The following DISC1 variants were observed in gnomAD, a reference collection of about 807,000 sequenced individuals.
DISC1 encodes the protein DISC1 scaffold protein.
DISC1 carries 57 observed loss-of-function variants against 84.5 expected under a neutral mutation model. The observed-to-expected ratio is 0.67, with a 90% confidence interval of 0.55 to 0.84. The LOEUF is 0.84. Ranked by LOEUF, DISC1 falls within the 40% of genes least tolerant of loss-of-function variation. The pLI, the probability that DISC1 is intolerant of heterozygous loss-of-function variation, is 0.00. For missense variants in DISC1, 1,000 were observed against 1,057.8 expected (o/e 0.95, Z 0.76); for synonymous variants, 411 against 415.2 (o/e 0.99, Z 0.12).
At chr1:231,885,802 C>T (rs1256807599) in intron 9 of DISC1, among the ~76,000 whole-genome samples, 1 of 152,168 alleles carries the variant, frequency 6.6e-6, no homozygotes, top group Non-Finnish European at 1.5e-5. Flanking sequence ...AGAGAAAGAA[C>T]TGTGTGGAGC....
intron 3 of DISC1, chr1:231,721,056 C>A (rs2069609790): frequency 4.6e-6 from 6 of 1,290,810 alleles, no homozygotes; most frequent in Admixed American, 2.3e-5. Context: ...CTTTTCCCAG[C>A]TTTTTTCCAG....
chr1:231,689,244 C>T (rs938174421), intron 1 of DISC1, among the ~76,000 whole-genome samples: 10 of 152,136 alleles, frequency 6.6e-5, no homozygotes, highest in Non-Finnish European at 1.0e-4. Context: ...GCAGCATTCT[C>T]GAGGTCCCAG....
rs1289584692 is a variant in DISC1, at chr1:231,698,093, A to T, written c.1047+3288A>T. On this transcript the variant is annotated intron_variant, in intron 2 of 12. Transcript: ENST00000439617. The surrounding 1 kb of genome is among the most constrained non-coding windows in gnomAD (Gnocchi z 4.9). ...GTTGGCCAGAGTACAATGCTTATGG[A>T]TCAATAATACATATTAAATAAGATG... Among the ~76,000 whole-genome samples the T allele has an allele frequency of 6.6e-6, 1 of 152,184 alleles. No individual in the cohort carries two copies. Among genetic ancestry groups the T allele is most frequent in the Non-Finnish European group, 1.5e-5 (1 of 68,032 alleles).
chr1:231,702,152 G>A, intron 3 of DISC1, 128 bp downstream of exon 3: 1 of 1,446,292 alleles, frequency 6.9e-7, no homozygotes, highest in South Asian at 1.4e-5. Flanking sequence ...CTCTACCAGG[G>A]AATAGTTGAC....
At position 231,675,767 on chromosome 1, in the gene DISC1, C is replaced by T. The variant is rs1352064625; in HGVS notation, c.68-18059C>T. Among the ~76,000 whole-genome samples, 3 of 152,038 alleles carry T rather than the reference C, an allele frequency of 2.0e-5. No homozygotes were observed. The highest frequency in any genetic ancestry group is 4.4e-5 in the Non-Finnish European group (3 of 68,000). ...TCTTACTCCCTTGTCCAATGTGTGA[C>T]ATCTTATCTTTTCCTCCATGAGCTC... On this transcript the variant is annotated intron_variant, in intron 1 of 12. Coordinates refer to ENST00000439617, the MANE Select transcript of DISC1 (RefSeq NM_018662.3). This position sits in a 1 kb window ranked among gnomAD's most constrained non-coding sequence, Gnocchi z 4.1.
intron 10 of DISC1, among the ~76,000 whole-genome samples, chr1:231,985,224 G>A (rs868328657): frequency 6.6e-6 from 1 of 151,682 alleles, no homozygotes; most frequent in South Asian, 2.1e-4. Flanking sequence ...TACTTGGGAG[G>A]CTGAGGTAGG....
intron 9 of DISC1, among the ~76,000 whole-genome samples, chr1:231,840,741 T>C (rs780904842): frequency 3.9e-5 from 6 of 151,938 alleles, no homozygotes; most frequent in African/African-American, 7.3e-5. Flanking sequence ...GGAGTCTCGC[T>C]CTGTCACCCA....
rs778827055 is a variant in DISC1, at chr1:231,694,100, C to T, written c.342C>T (p.Thr114=). 1.9e-6 allele frequency: 3 copies of T among 1,614,200 alleles called. No individual in the cohort carries two copies. The Admixed American group carries it at 5.0e-5, about 27-fold the overall frequency. ...AAPTVTSVRG[T]SAHFGIQLRG... is the part of the protein sequence containing the mutation. ...CTACTGTGACCTCTGTGAGAGGAAC[C>T]TCGGCGCACTTTGGGATTCAGCTCA... The change falls in exon 2 of 13, where the codon ACC becomes ACT. Residue 114 remains threonine, a synonymous_variant. Transcript: ENST00000439617.
chr1:231,634,764 T>TGCC (rs889911209), intron 1 of DISC1, among the ~76,000 whole-genome samples: 2 of 151,978 alleles, frequency 1.3e-5, no homozygotes, highest in Non-Finnish European at 2.9e-5. Flanking sequence ...AAATGTAGAG[T>TGCC]GCCAGGCATG....
At chr1:231,958,129 A>T (rs1345361953) in intron 9 of DISC1, among the ~76,000 whole-genome samples, 1 of 152,234 alleles carries the variant, frequency 6.6e-6, no homozygotes, top group Non-Finnish European at 1.5e-5. Flanking sequence ...GTTAGTTATT[A>T]TCTTGAGAGG....
chr1:231,868,261 C>T (rs941717792), intron 9 of DISC1, among the ~76,000 whole-genome samples: 1 of 152,176 alleles, frequency 6.6e-6, no homozygotes, highest in Non-Finnish European at 1.5e-5. Flanking sequence ...CCAGTTTTCA[C>T]TCTTAGTCCG....
intron 9 of DISC1, among the ~76,000 whole-genome samples, chr1:231,886,856 CTTTTCTTTCCTTTTTTTTTTTTTG>C (rs2086807294): frequency 1.9e-5 from 1 of 53,436 alleles, no homozygotes; most frequent in Non-Finnish European, 3.2e-5. Flanking sequence ...TTCTTTCTTT[CTTTTCTTTCCTTTTTTTTTTTTTG>C]AAATGGAGTC....
chr1:231,896,269 T>C lies in DISC1; in HGVS notation c.1982-62559T>C, dbSNP rs114285634. ...AACCTGACATACCCTACATTTTCCC[T>C]GAACTTGGGGTCCGGGGCAGGCTTT... On this transcript the variant is annotated intron_variant, in intron 9 of 12. Coordinates refer to ENST00000439617, the MANE Select transcript of DISC1 (RefSeq NM_018662.3). Among the ~76,000 whole-genome samples the C allele has an allele frequency of 5.1e-3, 772 of 152,314 alleles. 11 individuals are homozygous for C. Among genetic ancestry groups the C allele is most frequent in the African/African-American group, 0.018 (733 of 41,566 alleles).
At chr1:231,952,705 ATATATATATG>A (rs1164398010) in intron 9 of DISC1, among the ~76,000 whole-genome samples, 1 of 141,460 alleles carries the variant, frequency 7.1e-6, no homozygotes, top group African/African-American at 2.8e-5. Context: ...ATATATATAT[ATATATATATG>A]TATATATATA....
chr1:231,791,781 G>A (rs1367854991), intron 6 of DISC1, among the ~76,000 whole-genome samples: 2 of 152,242 alleles, frequency 1.3e-5, no homozygotes, highest in Non-Finnish European at 2.9e-5. Context: ...ACTCCTGCTT[G>A]TCAGCATTGA....
intron 9 of DISC1, among the ~76,000 whole-genome samples, chr1:231,909,113 T>C (rs2088959738): frequency 6.6e-6 from 1 of 152,116 alleles, no homozygotes; most frequent in Non-Finnish European, 1.5e-5. Flanking sequence ...ATGTGATCTG[T>C]AAAAAGGGAC....
chr1:231,866,050 G>A lies in DISC1; in HGVS notation c.1981+47533G>A, dbSNP rs73094823. Reference sequence around the variant, plus strand: ...TCATTGTCATGGCAAAAAAGGACAGGGATTACTCAACTCATTACTCCTGTG... The same window carrying A: ...TCATTGTCATGGCAAAAAAGGACAGAGATTACTCAACTCATTACTCCTGTG... On this transcript the variant is annotated intron_variant, in intron 9 of 12. Coordinates refer to ENST00000439617, the MANE Select transcript of DISC1 (RefSeq NM_018662.3). 1.0e-2 allele frequency among the ~76,000 whole-genome samples: 1,518 copies of A among 152,192 alleles called. 28 individuals carry two copies. The highest frequency in any genetic ancestry group is 0.035 in the African/African-American group (1,439 of 41,512).
At chr1:231,725,325 A>G (rs573479541) in intron 3 of DISC1, among the ~76,000 whole-genome samples, 1 of 152,368 alleles carries the variant, frequency 6.6e-6, no homozygotes, top group South Asian at 2.1e-4. Context: ...AGACAGGGTC[A>G]AGTGAAGAAA....
At chr1:231,882,488 A>G (rs1183257338) in intron 9 of DISC1, among the ~76,000 whole-genome samples, 1 of 152,158 alleles carries the variant, frequency 6.6e-6, no homozygotes, top group Non-Finnish European at 1.5e-5. Context: ...TTTATTTCAC[A>G]CTGCGCTTAT....
Sources: allele counts gnomAD v4.1 joint callset (sites outside exome capture counted in the v4.1 genomes callset), GRCh38; gene constraint gnomAD v4.1.1; non-coding constraint Gnocchi (gnomAD v3.1); transcripts MANE v1.5; gene names NCBI Gene and HGNC (gene_info 2026-07-23, HGNC 2026-07-21).